The following SGCE variants were observed in gnomAD, a reference collection of about 807,000 sequenced individuals.
SGCE encodes epsilon-sarcoglycan.
A neutral mutation model predicts 57.8 loss-of-function variants in SGCE; 26 were observed. That is an observed-to-expected ratio of 0.45 (90% CI 0.33 to 0.62). SGCE has a LOEUF of 0.62. Among genes scored for constraint, SGCE ranks in the 20% least tolerant of loss-of-function variants. SGCE has a pLI of 0.02. For synonymous variants in SGCE, 183 were observed against 189.5 expected, an observed-to-expected ratio of 0.97 and a Z score of 0.28; for missense variants, 468 against 548.6, an observed-to-expected ratio of 0.85 and a Z score of 1.47.
chr7:94,585,714 CCTT>C (rs1441493215), intron 10 of SGCE, among the ~76,000 whole-genome samples, 199 bp from the exon 11 acceptor site: 5 of 152,060 alleles, frequency 3.3e-5, no homozygotes, highest in Non-Finnish European at 7.4e-5. Context: ...TTAGTCTTCT[CCTT>C]CTTGGACCAA....
chr7:94,627,891 G>T (rs904095737), intron 3 of SGCE: 7 of 296,934 alleles, frequency 2.4e-5, no homozygotes, highest in Admixed American at 4.5e-5. Context: ...AAAATACAGA[G>T]CAAATAAGTC....
chr7:94,622,980 A>G (rs1045842879), intron 4 of SGCE, among the ~76,000 whole-genome samples: 6 of 152,164 alleles, frequency 3.9e-5, no homozygotes, highest in Non-Finnish European at 5.9e-5. Context: ...CTCTCACCCT[A>G]TCAGCTAGGC....
At chr7:94,649,659 G>A (rs17166410) in intron 1 of SGCE, among the ~76,000 whole-genome samples, 19,452 of 152,152 alleles carry the variant, frequency 0.13, 1,503 homozygotes, top group South Asian at 0.25. Flanking sequence ...CCACAAAAGT[G>A]CATGGGGCCC....
chr7:94,591,476 A>C (rs1797666976), intron 9 of SGCE, among the ~76,000 whole-genome samples: 1 of 152,200 alleles, frequency 6.6e-6, no homozygotes, highest in Admixed American at 6.6e-5. Context: ...CTGACAAAAT[A>C]CAAAAATCAA....
chr7:94,654,680 TTCCTAGAAAGGCTC>T (rs2117124584), intron 1 of SGCE, among the ~76,000 whole-genome samples: 1 of 152,382 alleles, frequency 6.6e-6, no homozygotes, highest in East Asian at 1.9e-4. Context: ...GTTTTGTTTA[TTCCTAGAAAGGCTC>T]TCTTTTAAAG....
intron 1 of SGCE, among the ~76,000 whole-genome samples, chr7:94,633,748 C>A (rs1805100975): frequency 6.6e-6 from 1 of 152,172 alleles, no homozygotes; most frequent in Non-Finnish European, 1.5e-5. Flanking sequence ...CAATTACCTT[C>A]AAAGCAAGTT....
At chr7:94,587,466 C>A in intron 10 of SGCE, 1 of 1,234,920 alleles carries the variant, frequency 8.1e-7, no homozygotes, top group Non-Finnish European at 1.0e-6. Context: ...AGGTTAATAA[C>A]GAAGAAGTTC....
intron 2 of SGCE, chr7:94,629,104 G>T (rs771807459): frequency 6.6e-6 from 1 of 151,834 alleles, no homozygotes; most frequent in Non-Finnish European, 1.5e-5. Flanking sequence ...ACTTTTATTT[G>T]CTGCTTAAGG....
intron 1 of SGCE, 200 bp from the exon 2 acceptor site, chr7:94,630,041 T>C (rs925749148): frequency 2.1e-5 from 12 of 564,760 alleles, no homozygotes; most frequent in African/African-American, 1.5e-4. Context: ...AAAAATTCTT[T>C]TGATTTGTGT....
chr7:94,625,077 G>A (rs1485306433), intron 3 of SGCE: 1 of 151,912 alleles, frequency 6.6e-6, no homozygotes, highest in Non-Finnish European at 1.5e-5. Flanking sequence ...GACCGTCAAA[G>A]CAGAAGAAAA....
chr7:94,620,462 A>G (rs1802583902), intron 4 of SGCE: 1 of 152,198 alleles, frequency 6.6e-6, no homozygotes. Context: ...CGTTTTATAG[A>G]CATATTTCCT....
intron 8 of SGCE, 124 bp from the exon 9 acceptor site, chr7:94,599,087 G>C: frequency 1.5e-6 from 1 of 676,670 alleles, no homozygotes; most frequent in East Asian, 2.7e-5. Flanking sequence ...TGGCACTTTG[G>C]GCATTCAATA....
intron 5 of SGCE, among the ~76,000 whole-genome samples, chr7:94,604,410 C>CCACA (rs1348654062): frequency 6.8e-6 from 1 of 147,424 alleles, no homozygotes; most frequent in African/African-American, 2.5e-5. Flanking sequence ...CCCAGAATAG[C>CCACA]CATACACACA....
intron 5 of SGCE, among the ~76,000 whole-genome samples, chr7:94,608,659 C>G (rs1463591572): frequency 1.3e-5 from 2 of 152,060 alleles, no homozygotes. Context: ...CTGACACTAC[C>G]CAACATCAAG....
At chr7:94,649,587 C>T (rs747713807) in intron 1 of SGCE, among the ~76,000 whole-genome samples, 2 of 152,176 alleles carry the variant, frequency 1.3e-5, no homozygotes, top group South Asian at 4.1e-4. Flanking sequence ...CAAGAACGCC[C>T]GTGGCATCTT....
intron 1 of SGCE, among the ~76,000 whole-genome samples, chr7:94,646,190 G>A (rs572295871): frequency 2.6e-5 from 4 of 152,252 alleles, no homozygotes; most frequent in Admixed American, 6.5e-5. Context: ...GAATTACATC[G>A]ATATTTATAT....
At chr7:94,640,707 G>T (rs980068656) in intron 1 of SGCE, among the ~76,000 whole-genome samples, 20 of 152,118 alleles carry the variant, frequency 1.3e-4, no homozygotes, top group African/African-American at 4.3e-4. Flanking sequence ...GTGTGCAGTG[G>T]CGTGATCTCG....
rs1271435676 is a variant in SGCE, at chr7:94,638,651, A to AG, written c.110-8811_110-8810insC. Reference sequence around the variant, plus strand: ...AGGATCATAAAGCCAAAAAAAAAAAAAAGAAATATTAAGTGCAAGTTCATA... The same window carrying AG: ...AGGATCATAAAGCCAAAAAAAAAAAAGAAGAAATATTAAGTGCAAGTTCATA... On this transcript the variant is annotated intron_variant, in intron 1 of 10. Coordinates refer to ENST00000648936, the MANE Select transcript of SGCE (RefSeq NM_003919.3). Among the ~76,000 whole-genome samples, 3 of 152,304 alleles carry AG rather than the reference A, an allele frequency of 2.0e-5. No individual in the cohort carries two copies. The East Asian group carries it at 5.8e-4, about 29-fold the overall frequency.
chr7:94,608,612 C>A (rs1800524444), intron 5 of SGCE, among the ~76,000 whole-genome samples: 1 of 151,990 alleles, frequency 6.6e-6, no homozygotes, highest in Admixed American at 6.6e-5. Flanking sequence ...CCAGAATAGC[C>A]AAAACAATAT....
Sources: allele counts gnomAD v4.1 joint callset (sites outside exome capture counted in the v4.1 genomes callset), GRCh38; gene constraint gnomAD v4.1.1; transcripts MANE v1.5; gene names NCBI Gene and HGNC (gene_info 2026-07-23, HGNC 2026-07-21).